Variants in PDE6C observed in about 807,000 individuals in gnomAD.
PDE6C encodes phosphodiesterase 6C.
A neutral mutation model predicts 113.1 loss-of-function variants in PDE6C; 75 were observed. That is an observed-to-expected ratio of 0.66 (90% CI 0.55 to 0.80). The LOEUF is 0.80. Among genes scored for constraint, PDE6C ranks in the 30% least tolerant of loss-of-function variants. The pLI, the probability that PDE6C is intolerant of heterozygous loss-of-function variation, is 0.00. For synonymous variants in PDE6C, 375 were observed against 363.7 expected, an observed-to-expected ratio of 1.03 and a Z score of -0.35; for missense variants, 912 against 1,038.6, an observed-to-expected ratio of 0.88 and a Z score of 1.67.
chr10:93,631,783 T>C lies in PDE6C; in HGVS notation c.1119+2478T>C, dbSNP rs115927797. On this transcript the variant is annotated intron_variant, in intron 8 of 21. Transcript: ENST00000371447. Reference sequence around the variant, plus strand: ...CTGAGAAGTTTGATAGACAAGCCAATGATATAAAAAGAACTGCCATCAGAG... The same window carrying C: ...CTGAGAAGTTTGATAGACAAGCCAACGATATAAAAAGAACTGCCATCAGAG... Among the ~76,000 whole-genome samples, 350 of 152,318 alleles carry C rather than the reference T, an allele frequency of 2.3e-3. 2 individuals carry two copies. Among genetic ancestry groups the C allele is most frequent in the African/African-American group, 8.1e-3 (336 of 41,564 alleles).
At chr10:93,613,355 T>A (rs1483444503) in intron 1 of PDE6C, 150 bp downstream of exon 1, 2 of 1,057,304 alleles carry the variant, frequency 1.9e-6, no homozygotes, top group Non-Finnish European at 2.8e-6. Context: ...AGGCCTAGTG[T>A]TGCCAAATTT....
At chr10:93,654,767 TTTCTTTCTTTC>T (rs2058625479) in intron 15 of PDE6C, among the ~76,000 whole-genome samples, 1 of 44,842 alleles carries the variant, frequency 2.2e-5, no homozygotes, top group Non-Finnish European at 4.1e-5. Flanking sequence ...TCTTTCTTTC[TTTCTTTCTTTC>T]TTTCTTTCTT....
rs762152984 is a variant in PDE6C, at chr10:93,622,044, T to C, written c.836T>C (p.Ile279Thr). Residue 279 changes from isoleucine (I) to threonine (T), a missense_variant, in exon 4 of 22, where the codon ATT (isoleucine) becomes ACT (threonine). By Grantham distance (89) the Ile-to-Thr change is moderately conservative (BLOSUM62 -1). Transcript: ENST00000371447. ...RSYLNCERYSIGLLDMTKEKE... is the reference protein window; with the variant it reads ...RSYLNCERYSTGLLDMTKEKE... ...TATCTGAACTGTGAACGATACTCCA[T>C]TGGACTGCTGGACATGACCAAGGAG... The C allele has an allele frequency of 6.8e-6, 11 of 1,613,992 alleles. No homozygotes were observed. The highest frequency in any genetic ancestry group is 1.3e-5 in the African/African-American group (1 of 74,938).
intron 11 of PDE6C, among the ~76,000 whole-genome samples, chr10:93,639,131 T>C (rs541395144): frequency 3.9e-5 from 6 of 152,310 alleles, no homozygotes; most frequent in African/African-American, 1.4e-4. Flanking sequence ...CATTTCTGCC[T>C]CTTAGCACTT....
At chr10:93,631,602 C>T (rs11187561) in intron 8 of PDE6C, among the ~76,000 whole-genome samples, 62,257 of 151,862 alleles carry the variant, frequency 0.41, 12,880 homozygotes, top group East Asian at 0.55. Context: ...CCCTCCCCGC[C>T]GCTCTTCAAC....
Position 93,658,201 on chromosome 10 carries a change from AAAAG to A in PDE6C, c.2037-696_2037-693del, listed in dbSNP as rs574794289. ...AAAAAAAAAAAAAAAAAGAAAAAGA[AAAAG>A]AAAAGAAAGAAAGAAAGAAAGAAAA... is the stretch of plus-strand genomic sequence containing the variant. On this transcript the variant is annotated intron_variant, in intron 16 of 21. Transcript: ENST00000371447. Among the ~76,000 whole-genome samples, 905 of 141,460 alleles carry A rather than the reference AAAAG, an allele frequency of 6.4e-3. 7 individuals are homozygous for A. Among genetic ancestry groups the A allele is most frequent in the African/African-American group, 0.015 (557 of 36,634 alleles). 92.8% of individuals were successfully genotyped at this position (141,460 alleles called of 152,430 possible).
intron 5 of PDE6C, 24 bp from the exon 6 acceptor site, chr10:93,626,616 C>T: frequency 7.8e-7 from 1 of 1,289,730 alleles, no homozygotes; most frequent in African/African-American, 1.5e-5. Context: ...ACATTATTCC[C>T]ATAATATCCT....
Position 93,640,807 on chromosome 10 carries a change from T to C in PDE6C, c.1738-113T>C. On this transcript the variant is annotated intron_variant, in intron 13 of 21. Transcript: ENST00000371447. Reference sequence around the variant, plus strand: ...ACTACAATACTCACAACAAATAAAGTGAACTTGCTCCAGAAACCTAGTGGG... The same window carrying C: ...ACTACAATACTCACAACAAATAAAGCGAACTTGCTCCAGAAACCTAGTGGG... 3 of 757,886 alleles carry C rather than the reference T, an allele frequency of 4.0e-6. No individual in the cohort carries two copies. The South Asian group carries it at 4.5e-5, about 11-fold the overall frequency. 46.9% of individuals were successfully genotyped at this position (757,886 alleles called of 1,614,324 possible).
At chr10:93,653,089 G>A (rs2058616852) in intron 15 of PDE6C, among the ~76,000 whole-genome samples, 1 of 152,008 alleles carries the variant, frequency 6.6e-6, no homozygotes, top group Admixed American at 6.6e-5. Context: ...ATCACTTTGG[G>A]AACATAGCAA....
intron 8 of PDE6C, 113 bp from the exon 9 acceptor site, chr10:93,634,645 G>A (rs1400945021): frequency 6.3e-5 from 69 of 1,090,518 alleles, no homozygotes; most frequent in South Asian, 5.0e-4. Context: ...GTGAAACTGG[G>A]TGAAGGGTAC....
intron 8 of PDE6C, among the ~76,000 whole-genome samples, chr10:93,632,359 C>T (rs2058505773): frequency 6.6e-6 from 1 of 152,168 alleles, no homozygotes; most frequent in African/African-American, 2.4e-5. Flanking sequence ...CATTGTTCTG[C>T]CTGCCATAGG....
In PDE6C at chr10:93,630,823, G is replaced by T. The variant is rs886327631; in HGVS notation, c.1119+1518G>T. 2.6e-5 allele frequency among the ~76,000 whole-genome samples: 4 copies of T among 152,240 alleles called. No homozygotes were observed. The East Asian group carries it at 5.8e-4, about 22-fold the overall frequency. ...GCATCTGCCTGCTCCTCCCTTTGCC[G>T]ATTGACATGGAAAACATGTAAACAC... On this transcript the variant is annotated intron_variant, in intron 8 of 21. Transcript: ENST00000371447.
chr10:93,662,968 G>C, intron 20 of PDE6C, 60 bp from the exon 21 acceptor site: 1 of 1,438,154 alleles, frequency 7.0e-7, no homozygotes, highest in Non-Finnish European at 9.7e-7. Flanking sequence ...CTCTGCATAT[G>C]AAAGATCCTG....
chr10:93,662,231 G>A (rs1380794500), intron 19 of PDE6C, 98 bp downstream of exon 19: 5 of 789,600 alleles, frequency 6.3e-6, no homozygotes, highest in African/African-American at 3.4e-5. Flanking sequence ...TTGGGAGGCT[G>A]AGGTGGGCAG....
chr10:93,663,280 C>A, intron 21 of PDE6C, 102 bp downstream of exon 21: 1 of 1,152,910 alleles, frequency 8.7e-7, no homozygotes, highest in Non-Finnish European at 1.3e-6. Context: ...AACAGAAAAC[C>A]TGCTTTACTG....
At chr10:93,631,803 T>A (rs999963862) in intron 8 of PDE6C, among the ~76,000 whole-genome samples, 6 of 152,228 alleles carry the variant, frequency 3.9e-5, no homozygotes, top group African/African-American at 1.4e-4. Flanking sequence ...AGAACTGCCA[T>A]CAGAGCAAAC....
intron 20 of PDE6C, 32 bp from the exon 21 acceptor site, chr10:93,662,996 T>A (rs757514469): frequency 1.9e-6 from 3 of 1,581,050 alleles, no homozygotes; most frequent in Admixed American, 3.3e-5. Flanking sequence ...ACTGTATGAT[T>A]TATGTAGTTT....
intron 15 of PDE6C, among the ~76,000 whole-genome samples, chr10:93,650,495 T>C (rs2058604970): frequency 6.6e-6 from 1 of 152,170 alleles, no homozygotes; most frequent in Non-Finnish European, 1.5e-5. Context: ...CAATCCTCTC[T>C]CCTTGGCTTT....
intron 14 of PDE6C, among the ~76,000 whole-genome samples, chr10:93,645,065 T>C (rs1453286913): frequency 6.6e-6 from 1 of 151,910 alleles, no homozygotes; most frequent in Non-Finnish European, 1.5e-5. Context: ...TTCTCACTCA[T>C]ATATGGAGGC....
Sources: allele counts gnomAD v4.1 joint callset (sites outside exome capture counted in the v4.1 genomes callset), GRCh38; gene constraint gnomAD v4.1.1; transcripts MANE v1.5; gene names NCBI Gene and HGNC (gene_info 2026-07-23, HGNC 2026-07-21).